Variants in POU6F1 observed in about 807,000 individuals in gnomAD.
The protein encoded by POU6F1 is POU domain, class 6, transcription factor 1.
Under a neutral mutation model 28.9 loss-of-function variants are expected in POU6F1, and 9 were observed. The observed-to-expected ratio is 0.31, with a 90% CI of 0.19 to 0.54. The LOEUF is 0.54. POU6F1 is among the 20% of genes least tolerant of loss of function. The pLI is 0.94. For synonymous variants in POU6F1, 173 were observed against 171.1 expected, an observed-to-expected ratio of 1.01 and a Z score of -0.09; for missense variants, 338 against 426.1, an observed-to-expected ratio of 0.79 and a Z score of 1.82.
intron 1 of POU6F1, among the ~76,000 whole-genome samples, chr12:51,208,627 C>T (rs79582969): frequency 0.08 from 12,183 of 152,036 alleles, 706 homozygotes; most frequent in East Asian, 0.29. Flanking sequence ...GAGATAGGGC[C>T]TCTGGAAGGT....
intron 1 of POU6F1, among the ~76,000 whole-genome samples, chr12:51,212,959 C>A (rs879526497): frequency 2.0e-5 from 3 of 150,806 alleles, no homozygotes; most frequent in Non-Finnish European, 4.4e-5. Context: ...TTTTTCGAGG[C>A]GGAGTCTCGC....
rs919281680 is a variant in POU6F1, at chr12:51,196,113, G to C, written c.1036C>G (p.Gln346Glu). The change falls in exon 8 of 11, where the codon CAA becomes GAA. Residue 346 changes from glutamine to glutamate, a missense_variant. Gln to Glu is a conservative substitution (Grantham distance 29, BLOSUM62 2). This residue lies in a region of POU6F1 where 206 missense variants were observed against 225.6 expected (regional missense o/e 0.91). Transcript: ENST00000333640. ...SASVAAPAPA[Q>E]SLQVQAVTPQ... ...GTCACGGCCTGGACCTGCAGGCTTT[G>C]GGCTGGTGCTGGGGCCGCCACACTA... is the stretch of plus-strand genomic sequence containing the variant. 3.1e-6 allele frequency: 5 copies of C among 1,589,896 alleles called. No homozygotes were observed. The African/African-American group carries it at 5.4e-5, about 17-fold the overall frequency.
rs1052703569 is a variant in POU6F1, at chr12:51,199,409, CTT to C, written c.366+336_366+337del. The stretch of plus-strand genomic sequence containing the variant: ...GAGGACTCTGAACAATCCATTAACT[CTT>C]ACAGGCATCCACTGGAGGGCCGGCA... On this transcript the variant is annotated intron_variant, in intron 4 of 10. Coordinates refer to ENST00000333640, the MANE Select transcript of POU6F1 (RefSeq NM_001330422.2). The surrounding 1 kb of genome is among the most constrained non-coding windows in gnomAD (Gnocchi z 4.1). Among the ~76,000 whole-genome samples, 5 of 152,188 alleles carry C rather than the reference CTT, an allele frequency of 3.3e-5. No individual in the cohort carries two copies. The highest frequency in any genetic ancestry group is 1.2e-4 in the African/African-American group (5 of 41,440).
At chr12:51,209,090 A>G (rs574087631) in intron 1 of POU6F1, among the ~76,000 whole-genome samples, 77 of 152,326 alleles carry the variant, frequency 5.1e-4, no homozygotes, top group African/African-American at 1.8e-3. Context: ...AAAGCTACCC[A>G]GTTTATGGTA....
At chr12:51,206,070 C>T (rs1592183656) in intron 2 of POU6F1, among the ~76,000 whole-genome samples, 2 of 148,734 alleles carry the variant, frequency 1.3e-5, no homozygotes, top group African/African-American at 2.4e-5. Context: ...CCACCCACCT[C>T]GGCCTCCCAA....
chr12:51,213,944 A>G (rs1592207531), intron 1 of POU6F1, among the ~76,000 whole-genome samples: 1 of 149,766 alleles, frequency 6.7e-6, no homozygotes, highest in Non-Finnish European at 1.5e-5. Flanking sequence ...GGAGTTCAAG[A>G]CCAGCCTGGC....
rs1008450919 is a variant in POU6F1, at chr12:51,199,847, G to C, written c.266C>G (p.Pro89Arg). 2.5e-6 allele frequency: 1 copy of C among 399,336 alleles called. No individual in the cohort carries two copies. The highest frequency in any genetic ancestry group is 4.4e-5 in the Admixed American group (1 of 22,742). 24.7% of individuals were successfully genotyped at this position (399,336 alleles called of 1,614,324 possible). ...EATVKSPPGI[P>R]PSPATAIATF... ...GGCAATGGCAGTGGCAGGGCTCGGA[G>C]GGATCCCCGGGGGTGACTTCACTTC... Residue 89 changes from proline to arginine, a missense_variant, in exon 4 of 11, where the codon CCT becomes CGT. This residue lies in a region of POU6F1 where 206 missense variants were observed against 225.6 expected (regional missense o/e 0.91). Coordinates refer to ENST00000333640, the MANE Select transcript of POU6F1 (RefSeq NM_001330422.2). The surrounding 1 kb of genome is among the most constrained non-coding windows in gnomAD (Gnocchi z 4.1).
At position 51,199,301 on chromosome 12, in the gene POU6F1, C is replaced by T. The variant is rs534891516; in HGVS notation, c.366+446G>A. ...GATGCCTTGGAGTCAGGGAATGTAG[C>T]GAAAGGGACAGGGAGCTCTGCCTGC... On this transcript the variant is annotated intron_variant, in intron 4 of 10. Transcript: ENST00000333640. This position sits in a 1 kb window ranked among gnomAD's most constrained non-coding sequence, Gnocchi z 4.1. 1.4e-4 allele frequency among the ~76,000 whole-genome samples: 22 copies of T among 152,236 alleles called. No homozygotes were observed. Among genetic ancestry groups the T allele is most frequent in the African/African-American group, 5.1e-4 (21 of 41,538 alleles).
intron 2 of POU6F1, among the ~76,000 whole-genome samples, chr12:51,204,858 T>A (rs1943470012): frequency 6.6e-6 from 1 of 152,060 alleles, no homozygotes; most frequent in South Asian, 2.1e-4. Flanking sequence ...GATAAAGGGA[T>A]GGAAAATGAA....
chr12:51,205,055 T>C (rs1478576616), intron 2 of POU6F1, among the ~76,000 whole-genome samples: 4 of 148,722 alleles, frequency 2.7e-5, no homozygotes, highest in Non-Finnish European at 6.0e-5. Context: ...TTTTTTTTTT[T>C]TGAGACAGAG....
At position 51,195,958 on chromosome 12, in the gene POU6F1, C is replaced by A. The variant is rs755752991; in HGVS notation, c.1179+12G>T. On this transcript the variant is annotated intron_variant, in intron 8 of 10. Transcript: ENST00000333640. The stretch of plus-strand genomic sequence containing the variant: ...AGCCTGCCCCACCCCCCACCCCCCC[C>A]AGCCCCTGTACCTCACTCTTAGCAG... 12 of 1,525,244 alleles carry A rather than the reference C, an allele frequency of 7.9e-6. No individual in the cohort carries two copies. The African/African-American group carries it at 1.1e-4, about 14-fold the overall frequency. 94.5% of individuals were successfully genotyped at this position (1,525,244 alleles called of 1,614,324 possible).
At chr12:51,213,954 C>T (rs992335981) in intron 1 of POU6F1, among the ~76,000 whole-genome samples, 1 of 151,738 alleles carries the variant, frequency 6.6e-6, no homozygotes, top group Non-Finnish European at 1.5e-5. Flanking sequence ...ACCAGCCTGG[C>T]CAACATGGGG....
At position 51,217,110 on chromosome 12, in the gene POU6F1, G is replaced by A. The variant is rs1168462379; in HGVS notation, c.-48+532C>T. On this transcript the variant is annotated intron_variant, in intron 1 of 10. Coordinates refer to ENST00000333640, the MANE Select transcript of POU6F1 (RefSeq NM_001330422.2). The surrounding 1 kb of genome is among the most constrained non-coding windows in gnomAD (Gnocchi z 5.3). ...CAGCAACGCCTGGGTCCCTACCCCC[G>A]GGTCCCACCGGTCGTCCCGGAGTTT... is the stretch of plus-strand genomic sequence containing the variant. Among the ~76,000 whole-genome samples the A allele has an allele frequency of 1.3e-5, 2 of 152,080 alleles. No homozygotes were observed. Among genetic ancestry groups the A allele is most frequent in the Non-Finnish European group, 2.9e-5 (2 of 68,004 alleles).
At position 51,187,224 on chromosome 12, in the gene POU6F1, G is replaced by A. The variant is rs11738; in HGVS notation, c.*3023C>T. ...CTGGACTTCACCTGGATAAAATGCC[G>A]TGGTAATGCAGGGTCAAAGGCCCTA... On this transcript the variant is annotated 3_prime_UTR_variant, in exon 11 of 11. Coordinates refer to ENST00000333640, the MANE Select transcript of POU6F1 (RefSeq NM_001330422.2). 25,061 of 152,180 alleles carry A rather than the reference G, an allele frequency of 0.16. 2,603 individuals carry two copies. Among genetic ancestry groups the A allele is most frequent in the South Asian group, 0.26 (1,269 of 4,824 alleles). The allele number at this position is 152,180 out of a possible 1,614,324, so 9.4% of individuals were successfully genotyped here. A position where few individuals can be genotyped will look rare whatever the true frequency, so the allele number is the denominator to read the frequency against.
At chr12:51,209,961 T>G (rs1243472138) in intron 1 of POU6F1, among the ~76,000 whole-genome samples, 1 of 148,244 alleles carries the variant, frequency 6.7e-6, no homozygotes, top group African/African-American at 2.5e-5. Context: ...TCCCCTCAGA[T>G]TTTTTTTTTG....
rs1440504008 is a variant in POU6F1 at position 51,190,004 on chromosome 12, C to T, written c.*243G>A. Reference sequence around the variant, plus strand: ...GCTTCTCTAAGTGACGTCACAAATCCTCTTCTTCGGAGTGACCAGCCCAGA... The same window carrying T: ...GCTTCTCTAAGTGACGTCACAAATCTTCTTCTTCGGAGTGACCAGCCCAGA... On this transcript the variant is annotated 3_prime_UTR_variant, in exon 11 of 11. Transcript: ENST00000333640. The surrounding 1 kb of genome is among the most constrained non-coding windows in gnomAD (Gnocchi z 4.5). 8.1e-6 allele frequency: 5 copies of T among 614,554 alleles called. No homozygotes were observed. The highest frequency in any genetic ancestry group is 2.3e-5 in the South Asian group (1 of 43,270). The allele number at this position is 614,554 out of a possible 1,614,324, so 38.1% of individuals were successfully genotyped here. A position where few individuals can be genotyped will look rare whatever the true frequency, so the allele number is the denominator to read the frequency against.
chr12:51,189,943 C>G lies in POU6F1; in HGVS notation c.*304G>C. ...AAGACAGGGAGTTTCTGGTTCCCCA[C>G]CAGAATTCACCCTTCAGAAACCATG... On this transcript the variant is annotated 3_prime_UTR_variant, in exon 11 of 11. Coordinates refer to ENST00000333640, the MANE Select transcript of POU6F1 (RefSeq NM_001330422.2). The G allele has an allele frequency of 2.6e-6, 1 of 378,090 alleles. No homozygotes were observed. The highest frequency in any genetic ancestry group is 4.8e-6 in the Non-Finnish European group (1 of 206,274). The allele number at this position is 378,090 out of a possible 1,614,324, so 23.4% of individuals were successfully genotyped here. A position where few individuals can be genotyped will look rare whatever the true frequency, so the allele number is the denominator to read the frequency against.
intron 8 of POU6F1, among the ~76,000 whole-genome samples, chr12:51,194,369 G>A (rs1339893786): frequency 2.6e-5 from 4 of 152,076 alleles, no homozygotes; most frequent in East Asian, 1.9e-4. Flanking sequence ...AGCTGGGCAC[G>A]GTGTCACATG....
rs568071289 is a variant in POU6F1 at position 51,206,062 on chromosome 12, A to G, written c.48+727T>C. On this transcript the variant is annotated intron_variant, in intron 2 of 10. Coordinates refer to ENST00000333640, the MANE Select transcript of POU6F1 (RefSeq NM_001330422.2). The stretch of plus-strand genomic sequence containing the variant: ...TCGAACTCCTGACCTCAGGTGATCC[A>G]CCCACCTCGGCCTCCCAAAGTGCTG... Among the ~76,000 whole-genome samples, 521 of 145,372 alleles carry G rather than the reference A, an allele frequency of 3.6e-3. 3 individuals carry two copies. The highest frequency in any genetic ancestry group is 0.012 in the African/African-American group (492 of 40,054).
Sources: allele counts gnomAD v4.1 joint callset (sites outside exome capture counted in the v4.1 genomes callset), GRCh38; gene constraint gnomAD v4.1.1; regional missense constraint gnomAD v4.1.1; non-coding constraint Gnocchi (gnomAD v3.1); transcripts MANE v1.5; gene names NCBI Gene and HGNC (gene_info 2026-07-23, HGNC 2026-07-21).